SMOC2: variants seen among roughly 807,000 people sequenced by gnomAD.
The protein encoded by SMOC2 is SPARC-related modular calcium-binding protein 2.
Under a neutral mutation model 61.4 loss-of-function variants are expected in SMOC2, and 39 were observed. The observed-to-expected ratio is 0.64, with a 90% CI of 0.49 to 0.83. SMOC2 has a LOEUF of 0.83. SMOC2 is among the 40% of genes least tolerant of loss of function. SMOC2 has a pLI of 0.00. For synonymous variants in SMOC2, 247 were observed against 239.9 expected, an observed-to-expected ratio of 1.03 and a Z score of -0.27; for missense variants, 556 against 592.9, an observed-to-expected ratio of 0.94 and a Z score of 0.65.
At chr6:168,595,307 G>C (rs556627635) in intron 7 of SMOC2, among the ~76,000 whole-genome samples, 1 of 152,000 alleles carries the variant, frequency 6.6e-6, no homozygotes, top group Admixed American at 6.6e-5. Flanking sequence ...CTGGAGTCAC[G>C]GCCCCATGCG....
At position 168,643,473 on chromosome 6, in the gene SMOC2, G is replaced by A. The variant is rs375440646; in HGVS notation, c.908-7208G>A. Among the ~76,000 whole-genome samples, 408 of 152,218 alleles carry A rather than the reference G, an allele frequency of 2.7e-3. 2 individuals carry two copies. Among genetic ancestry groups the A allele is most frequent in the African/African-American group, 8.8e-3 (365 of 41,546 alleles). ...ACACTGCCTGGGACGCAGGGTCTTC[G>A]TGGGCCTTCCCTGTGCCCCCAGCAC... On this transcript the variant is annotated intron_variant, in intron 9 of 12. Transcript: ENST00000356284.
intron 5 of SMOC2, among the ~76,000 whole-genome samples, chr6:168,545,002 T>C (rs2115101118): frequency 6.6e-6 from 1 of 152,028 alleles, no homozygotes; most frequent in African/African-American, 2.4e-5. Context: ...ACAGGCATAA[T>C]GGGGACACTG....
chr6:168,599,532 AC>A (rs1785459916), intron 8 of SMOC2, among the ~76,000 whole-genome samples: 1 of 15,440 alleles, frequency 6.5e-5, no homozygotes, highest in East Asian at 1.9e-3. Flanking sequence ...ATACCCCCAC[AC>A]ACCCACTCAC....
chr6:168,461,208 G>C (rs909961468), intron 1 of SMOC2, among the ~76,000 whole-genome samples: 4 of 152,124 alleles, frequency 2.6e-5, no homozygotes, highest in African/African-American at 9.7e-5. Context: ...AAATCCATCA[G>C]ATCTTGTGAG....
chr6:168,496,530 G>T (rs1213297542), intron 1 of SMOC2, among the ~76,000 whole-genome samples: 1 of 152,222 alleles, frequency 6.6e-6, no homozygotes, highest in Non-Finnish European at 1.5e-5. Flanking sequence ...ATGCTCGGGG[G>T]TGATGGTGGA....
chr6:168,571,087 A>G (rs1191500838), intron 7 of SMOC2, among the ~76,000 whole-genome samples: 1 of 152,122 alleles, frequency 6.6e-6, no homozygotes, highest in East Asian at 1.9e-4. Context: ...GTAACAATGC[A>G]TTTTTGTTGT....
At chr6:168,643,723 C>A (rs373445304) in intron 9 of SMOC2, among the ~76,000 whole-genome samples, 3 of 152,292 alleles carry the variant, frequency 2.0e-5, no homozygotes, top group East Asian at 3.9e-4. Flanking sequence ...CCTCTACCCC[C>A]CAGCAAGGTC....
At chr6:168,552,885 C>T (rs576130931) in intron 7 of SMOC2, among the ~76,000 whole-genome samples, 4 of 148,360 alleles carry the variant, frequency 2.7e-5, no homozygotes, top group East Asian at 2.0e-4. Flanking sequence ...CCGAGGGTGG[C>T]CCCTCACTGT....
chr6:168,580,933 G>A (rs1279387635), intron 7 of SMOC2, among the ~76,000 whole-genome samples: 1 of 152,198 alleles, frequency 6.6e-6, no homozygotes, highest in Non-Finnish European at 1.5e-5. Context: ...GCGTGTAAAT[G>A]TGATGGCAAG....
At chr6:168,460,749 G>A (rs1781703235) in intron 1 of SMOC2, among the ~76,000 whole-genome samples, 1 of 152,172 alleles carries the variant, frequency 6.6e-6, no homozygotes, top group African/African-American at 2.4e-5. Context: ...AACCCTCAAA[G>A]TATCTTACAT....
chr6:168,486,738 T>A (rs766017460), intron 1 of SMOC2, among the ~76,000 whole-genome samples: 1 of 151,908 alleles, frequency 6.6e-6, no homozygotes. Flanking sequence ...CATTCTATTG[T>A]GGTTCAACGG....
intron 9 of SMOC2, among the ~76,000 whole-genome samples, chr6:168,616,509 G>T (rs933505810): frequency 6.6e-6 from 1 of 152,202 alleles, no homozygotes; most frequent in Non-Finnish European, 1.5e-5. Context: ...TCATGGGTAG[G>T]GCTGGGGAGT....
intron 1 of SMOC2, among the ~76,000 whole-genome samples, chr6:168,451,453 A>C (rs1371076948): frequency 6.6e-6 from 1 of 152,164 alleles, no homozygotes; most frequent in Non-Finnish European, 1.5e-5. Context: ...TGCCTGTAAG[A>C]ATAAAAAACC....
At chr6:168,533,047 G>T (rs1379748391) in intron 4 of SMOC2, among the ~76,000 whole-genome samples, 1 of 152,134 alleles carries the variant, frequency 6.6e-6, no homozygotes, top group Non-Finnish European at 1.5e-5. Flanking sequence ...TGTGATACCT[G>T]TGACAGGCAG....
At chr6:168,605,401 C>T (rs144296347) in intron 8 of SMOC2, among the ~76,000 whole-genome samples, 1 of 152,110 alleles carries the variant, frequency 6.6e-6, no homozygotes, top group East Asian at 1.9e-4. Flanking sequence ...TTGTGTTTTT[C>T]CTTATACAAA....
In SMOC2 at chr6:168,451,196, C is replaced by T. The variant is rs190473596; in HGVS notation, c.84+9742C>T. On this transcript the variant is annotated intron_variant, in intron 1 of 12. Coordinates refer to ENST00000356284, the MANE Select transcript of SMOC2 (RefSeq NM_001166412.2). ...CCCTCGGGTCGCCCCTGCCTGCAGC[C>T]GGGGTCTTGGAAATCATCAGTAAAA... Among the ~76,000 whole-genome samples the T allele has an allele frequency of 4.1e-3, 623 of 152,074 alleles. 17 individuals carry two copies. Among genetic ancestry groups the T allele is most frequent in the Admixed American group, 0.035 (536 of 15,286 alleles).
intron 9 of SMOC2, among the ~76,000 whole-genome samples, chr6:168,630,252 C>G (rs1366851329): frequency 6.6e-6 from 1 of 152,156 alleles, no homozygotes. Flanking sequence ...GTCAGGGACC[C>G]CAAACGGAGG....
intron 9 of SMOC2, among the ~76,000 whole-genome samples, chr6:168,615,084 A>G (rs1194262180): frequency 2.1e-5 from 2 of 94,140 alleles, no homozygotes; most frequent in Non-Finnish European, 2.2e-5. Flanking sequence ...CAGCCGGCAC[A>G]GGGCCTCTTC....
intron 1 of SMOC2, among the ~76,000 whole-genome samples, chr6:168,464,293 A>AGGAC (rs1259158294): frequency 6.6e-6 from 1 of 151,750 alleles, no homozygotes; most frequent in African/African-American, 2.4e-5. Context: ...GAAGGAAGGA[A>AGGAC]GGACGGACGG....
Sources: allele counts gnomAD v4.1 joint callset (sites outside exome capture counted in the v4.1 genomes callset), GRCh38; gene constraint gnomAD v4.1.1; transcripts MANE v1.5; gene names NCBI Gene and HGNC (gene_info 2026-07-23, HGNC 2026-07-21).